The following CEP170 variants were observed in gnomAD, a reference collection of about 807,000 sequenced individuals.
CEP170 encodes centrosomal protein 170.
A neutral mutation model predicts 151.9 loss-of-function variants in CEP170; 21 were observed. The observed-to-expected ratio is 0.14, with a 90% CI of 0.10 to 0.20. The LOEUF (loss-of-function observed/expected upper bound fraction) is 0.20. Among genes scored for constraint, CEP170 ranks in the 10% least tolerant of loss-of-function variants. The probability of loss-of-function intolerance (pLI) is 1.00; values close to 1 mark genes in which losing one functional copy is unlikely to be tolerated. For missense variants in CEP170, 964 were observed against 1,892.9 expected, an observed-to-expected ratio of 0.51 and a Z score of 9.11; for synonymous variants, 356 against 648.8, an observed-to-expected ratio of 0.55 and a Z score of 6.86.
In CEP170 at chr1:243,165,764, A is replaced by T. The variant is rs2058394216; in HGVS notation, c.2196T>A (p.Ser732Arg). 1 of 1,613,994 alleles carries T rather than the reference A, an allele frequency of 6.2e-7. No individual in the cohort carries two copies. The change falls in exon 13 of 20, where the codon AGT becomes AGA. Residue 732 changes from serine (S) to arginine (R), a missense_variant. Transcript: ENST00000366542. ...CCAAAGAAGTTTCCTTATCAGTTTC[A>T]CTTTTCTCTTTTCCAGGAGCAGAGC... ...LGSSAPGKEK[S>R]ETDKETSLVK...
At chr1:243,158,875 T>C (rs1044300386) in intron 13 of CEP170, among the ~76,000 whole-genome samples, 12 of 151,972 alleles carry the variant, frequency 7.9e-5, no homozygotes, top group African/African-American at 2.4e-4. Context: ...GGGACCCTCC[T>C]GGCCAACATG....
intron 10 of CEP170, among the ~76,000 whole-genome samples, chr1:243,182,130 C>A (rs2059657271): frequency 6.6e-6 from 1 of 151,904 alleles, no homozygotes; most frequent in African/African-American, 2.4e-5. Context: ...TGGATTTGTT[C>A]CCTTCACAGT....
chr1:243,217,967 T>C (rs915880516), intron 3 of CEP170, among the ~76,000 whole-genome samples: 9 of 152,144 alleles, frequency 5.9e-5, no homozygotes, highest in African/African-American at 2.2e-4. Context: ...CTCCCGAAAT[T>C]CCTCCATTCA....
chr1:243,163,579 A>G (rs1455017482), intron 13 of CEP170, among the ~76,000 whole-genome samples: 1 of 152,250 alleles, frequency 6.6e-6, no homozygotes, highest in African/African-American at 2.4e-5. Context: ...GAGTTAAATG[A>G]TATAACAGCA....
At chr1:243,219,483 A>T (rs373537912) in intron 3 of CEP170, among the ~76,000 whole-genome samples, 1 of 152,208 alleles carries the variant, frequency 6.6e-6, no homozygotes, top group African/African-American at 2.4e-5. Context: ...TCACAATATT[A>T]TTGAGTATAA....
chr1:243,242,924 T>A (rs1316507920), intron 1 of CEP170, among the ~76,000 whole-genome samples: 3 of 152,192 alleles, frequency 2.0e-5, no homozygotes, highest in Admixed American at 6.5e-5. Flanking sequence ...GGTCTCCAAC[T>A]CCCGACCTCC....
At chr1:243,150,352 T>C (rs1423071422) in intron 14 of CEP170, among the ~76,000 whole-genome samples, 1 of 152,224 alleles carries the variant, frequency 6.6e-6, no homozygotes, top group Admixed American at 6.5e-5. Context: ...GGTTTCACCA[T>C]GTTGCCCAGG....
At chr1:243,239,715 C>T (rs540777949) in intron 1 of CEP170, among the ~76,000 whole-genome samples, 3 of 152,328 alleles carry the variant, frequency 2.0e-5, no homozygotes, top group South Asian at 2.1e-4. Context: ...AATTCCCAGC[C>T]TCTCAATTCT....
At position 243,225,212 on chromosome 1, in the gene CEP170, A is replaced by G; in HGVS notation, c.69T>C (p.Ile23=). 1.9e-6 allele frequency: 3 copies of G among 1,602,614 alleles called. No homozygotes were observed. Among genetic ancestry groups the G allele is most frequent in the Non-Finnish European group, 2.6e-6 (3 of 1,175,124 alleles). ...GTRHRLPREM[I]FVGRDDCELM... ...GCTCACAGTCATCTCTTCCAACAAA[A>G]ATCATTTCTCGTGGCAGCCTGTGGC... Residue 23 remains isoleucine, a synonymous_variant, in exon 2 of 20, where the codon ATT becomes ATC. Transcript: ENST00000366542.
chr1:243,238,303 T>G (rs1572588787), intron 1 of CEP170, among the ~76,000 whole-genome samples: 1 of 151,806 alleles, frequency 6.6e-6, no homozygotes, highest in Non-Finnish European at 1.5e-5. Flanking sequence ...ATAAAAAAAA[T>G]AAATAAATTG....
intron 14 of CEP170, among the ~76,000 whole-genome samples, chr1:243,151,529 C>T (rs1226633936): frequency 3.6e-4 from 54 of 152,030 alleles, no homozygotes; most frequent in Admixed American, 5.9e-4. Context: ...TTAAGCCAAA[C>T]TAATCCAGAG....
intron 11 of CEP170, 107 bp downstream of exon 11, chr1:243,172,590 C>A: frequency 1.1e-5 from 10 of 881,596 alleles, no homozygotes; most frequent in Middle Eastern, 3.2e-4. Flanking sequence ...CGAGATCCTG[C>A]CATTGCACTC....
rs370161407 is a variant in CEP170, at chr1:243,214,438, G to A, written c.196-2474C>T. ...GTAGCTGGGATTACAGGCACCTGCC[G>A]CCACGCCTGGCTAATTTTTGTATTT... On this transcript the variant is annotated intron_variant, in intron 3 of 19. Transcript: ENST00000366542. Among the ~76,000 whole-genome samples, 1,061 of 151,410 alleles carry A rather than the reference G, an allele frequency of 7.0e-3. 7 individuals are homozygous for A. Among genetic ancestry groups the A allele is most frequent in the South Asian group, 0.013 (61 of 4,770 alleles).
intron 3 of CEP170, among the ~76,000 whole-genome samples, chr1:243,217,555 C>T (rs930311220): frequency 7.9e-5 from 12 of 152,160 alleles, no homozygotes; most frequent in African/African-American, 2.9e-4. Flanking sequence ...TATGACAGAA[C>T]TATTCCCTAA....
intron 1 of CEP170, among the ~76,000 whole-genome samples, chr1:243,226,082 TAA>T (rs1302681601): frequency 6.9e-6 from 1 of 145,034 alleles, no homozygotes. Flanking sequence ...TATCTAGATA[TAA>T]ATATATCTAT....
chr1:243,205,219 A>G (rs1383213059), intron 4 of CEP170, among the ~76,000 whole-genome samples: 2 of 152,202 alleles, frequency 1.3e-5, no homozygotes, highest in Admixed American at 6.5e-5. Flanking sequence ...AGAGATTTTC[A>G]GTCTCTGGAA....
At chr1:243,138,421 TACTCAG>T (rs1427469124) in intron 16 of CEP170, among the ~76,000 whole-genome samples, 2 of 151,778 alleles carry the variant, frequency 1.3e-5, no homozygotes, top group Non-Finnish European at 2.9e-5. Flanking sequence ...GATCTTTTTC[TACTCAG>T]TACCATGAGA....
intron 1 of CEP170, among the ~76,000 whole-genome samples, chr1:243,240,378 C>T (rs538901809): frequency 2.0e-5 from 3 of 152,270 alleles, no homozygotes; most frequent in South Asian, 2.1e-4. Flanking sequence ...CCATATGATC[C>T]GTTCCAAGAT....
chr1:243,210,608 ATTTTTTTTTTT>A (rs751388751), intron 4 of CEP170, among the ~76,000 whole-genome samples: 2 of 67,944 alleles, frequency 2.9e-5, no homozygotes, highest in African/African-American at 1.2e-4. Context: ...ATTTTTCGTA[ATTTTTTTTTTT>A]TTTTTTTTTT....
Sources: gnomAD v4.1 joint callset for allele counts (sites outside exome capture counted in the v4.1 genomes callset) on GRCh38, gnomAD v4.1.1 for gene constraint, MANE v1.5 for transcripts, NCBI Gene and HGNC (gene_info 2026-07-23, HGNC 2026-07-21) for gene names.